The following CLXN variants were observed in gnomAD, a reference collection of about 807,000 sequenced individuals.
The protein encoded by CLXN is calaxin, also known as EF-hand calcium binding domain 1.
At chr8:48,724,747 T>G in the CLXN span, 1 of 1,610,054 alleles carries the variant, frequency 6.2e-7, no homozygotes. Context: ...GTTATTCACA[T>G]ATCATTGAAT....
the CLXN span, among the ~76,000 whole-genome samples, chr8:48,734,083 C>A: frequency 1.3e-5 from 2 of 152,098 alleles, no homozygotes; most frequent in Non-Finnish European, 1.5e-5. Flanking sequence ...ATTTATATCA[C>A]CATCCACTAA....
At chr8:48,727,012 C>T in the CLXN span, among the ~76,000 whole-genome samples, 2 of 151,116 alleles carry the variant, frequency 1.3e-5, no homozygotes, top group African/African-American at 4.9e-5. Context: ...TCCATCCATC[C>T]ATCCATCCAT....
At chr8:48,728,218 C>G in the CLXN span, among the ~76,000 whole-genome samples, 9 of 152,202 alleles carry the variant, frequency 5.9e-5, no homozygotes, top group African/African-American at 2.2e-4. Flanking sequence ...TCACCAGCCT[C>G]AGAGCACACC....
chr8:48,733,899 A>G, the CLXN span, among the ~76,000 whole-genome samples: 1 of 152,200 alleles, frequency 6.6e-6, no homozygotes, highest in South Asian at 2.1e-4. Flanking sequence ...ATTTATCAAA[A>G]ATGTTTACTA....
At chr8:48,728,012 GAA>G in the CLXN span, among the ~76,000 whole-genome samples, 1 of 152,138 alleles carries the variant, frequency 6.6e-6, no homozygotes, top group Non-Finnish European at 1.5e-5. Context: ...GAGTTTTGGG[GAA>G]AAGTCAAAAA....
chr8:48,722,930 G>A, the CLXN span, among the ~76,000 whole-genome samples: 4 of 152,136 alleles, frequency 2.6e-5, no homozygotes, highest in African/African-American at 7.2e-5. Context: ...TTATAAGAGG[G>A]ACCTAAAAGG....
the CLXN span, chr8:48,724,671 A>T: frequency 8.0e-7 from 1 of 1,257,410 alleles, no homozygotes. Context: ...TTCTGAACTA[A>T]GTAGAAAAAA....
chr8:48,724,722 C>G, the CLXN span: 9 of 1,587,532 alleles, frequency 5.7e-6, no homozygotes, highest in Non-Finnish European at 7.7e-6. Context: ...TCACTTGAGA[C>G]AATATAGACA....
the CLXN span, among the ~76,000 whole-genome samples, chr8:48,712,727 G>T: frequency 1.5e-3 from 225 of 152,220 alleles, 3 homozygotes; most frequent in Admixed American, 0.013. Flanking sequence ...TTGGCCGGGC[G>T]TGGTGGCTCA....
chr8:48,728,997 C>A, the CLXN span: 1 of 1,456,182 alleles, frequency 6.9e-7, no homozygotes, highest in South Asian at 1.2e-5. Context: ...CTGGGTTGTT[C>A]TACATTCTAC....
At chr8:48,724,881 T>C in the CLXN span, 1 of 1,196,406 alleles carries the variant, frequency 8.4e-7, no homozygotes, top group South Asian at 1.4e-5. Context: ...GTCTCCTTAG[T>C]GTAGAGACAG....
the CLXN span, among the ~76,000 whole-genome samples, chr8:48,718,294 C>T: frequency 6.6e-6 from 1 of 152,038 alleles, no homozygotes; most frequent in Non-Finnish European, 1.5e-5. Context: ...ATATATACAA[C>T]CAATATCAGA....
the CLXN span, chr8:48,713,914 T>A: frequency 6.6e-6 from 1 of 152,230 alleles, no homozygotes; most frequent in Admixed American, 6.5e-5. Flanking sequence ...AATTTCTTCA[T>A]GCTGCTTGCG....
At chr8:48,723,498 T>C in the CLXN span, 3 of 152,228 alleles carry the variant, frequency 2.0e-5, no homozygotes, top group African/African-American at 7.2e-5. Context: ...ACTTAATGCA[T>C]ATGTAGTAAG....
chr8:48,714,886 T>C, the CLXN span: 4 of 152,338 alleles, frequency 2.6e-5, no homozygotes, highest in South Asian at 8.3e-4. Flanking sequence ...ATTAGAATTA[T>C]TTATAATAGC....
At chr8:48,724,762 T>C in the CLXN span, 2 of 1,612,154 alleles carry the variant, frequency 1.2e-6, no homozygotes, top group South Asian at 1.1e-5. Context: ...TTGAATTCAT[T>C]TGGATCTTTG....
At chr8:48,735,208 G>T in the CLXN span, 1 of 1,602,350 alleles carries the variant, frequency 6.2e-7, no homozygotes. Context: ...CGGCTACCGA[G>T]ACCCTCGCGG....
the CLXN span, chr8:48,716,389 G>A: frequency 6.6e-6 from 1 of 152,524 alleles, no homozygotes; most frequent in African/African-American, 2.4e-5. Context: ...CCCACAAGCA[G>A]AGGGAGCCGG....
the CLXN span, among the ~76,000 whole-genome samples, chr8:48,729,446 C>G: frequency 6.6e-6 from 1 of 151,558 alleles, no homozygotes; most frequent in African/African-American, 2.4e-5. Flanking sequence ...TTGCTTGAGC[C>G]CAAGAGTTTG....
Sources: gnomAD v4.1 joint callset for allele counts (sites outside exome capture counted in the v4.1 genomes callset) on GRCh38, gnomAD v4.1.1 for gene constraint, MANE v1.5 for transcripts, NCBI Gene and HGNC (gene_info 2026-07-23, HGNC 2026-07-21) for gene names.